Variants in ZNF362 observed in about 807,000 individuals in gnomAD.
The protein encoded by ZNF362 is zinc finger protein 362.
A neutral mutation model predicts 42.9 loss-of-function variants in ZNF362; 11 were observed. That is an observed-to-expected ratio of 0.26 (90% CI 0.16 to 0.42). ZNF362 has a LOEUF of 0.42. ZNF362 is among the 20% of genes least tolerant of loss of function. The pLI is 1.00. For synonymous variants in ZNF362, 255 were observed against 257.3 expected (o/e 0.99, Z 0.09); for missense variants, 362 against 576.2 (o/e 0.63, Z 3.81).
At chr1:33,190,799 G>A in the ZNF362 span, among the ~76,000 whole-genome samples, 5 of 152,330 alleles carry the variant, frequency 3.3e-5, no homozygotes, top group Admixed American at 1.3e-4. Flanking sequence ...GCCTGCCAAT[G>A]AGGAGGGCAG....
chr1:33,257,266 G>A (rs941131948), intron 1 of ZNF362, among the ~76,000 whole-genome samples: 30 of 151,886 alleles, frequency 2.0e-4, no homozygotes, highest in Middle Eastern at 3.4e-3. Flanking sequence ...CTTTTCTTTG[G>A]CGAGAGCCGC....
the ZNF362 span, among the ~76,000 whole-genome samples, chr1:33,215,086 A>C: frequency 6.6e-6 from 1 of 152,226 alleles, no homozygotes; most frequent in Non-Finnish European, 1.5e-5. Context: ...AAGATTTGGA[A>C]TCAATCTAAG....
the ZNF362 span, among the ~76,000 whole-genome samples, chr1:33,188,492 C>A: frequency 6.6e-6 from 1 of 152,144 alleles, no homozygotes; most frequent in Non-Finnish European, 1.5e-5. Flanking sequence ...ACATTGTGGA[C>A]AGAGAAGGCA....
chr1:33,249,548 C>T, the ZNF362 span, among the ~76,000 whole-genome samples: 1 of 152,118 alleles, frequency 6.6e-6, no homozygotes, highest in Admixed American at 6.6e-5. Context: ...GAAGTTTTCC[C>T]CTTCCTGCCC....
the ZNF362 span, among the ~76,000 whole-genome samples, chr1:33,144,635 G>C: frequency 6.6e-6 from 1 of 152,220 alleles, no homozygotes; most frequent in Non-Finnish European, 1.5e-5. Flanking sequence ...TTCTTTAAAA[G>C]CTTGATATTT....
chr1:33,189,662 T>TAC, the ZNF362 span, among the ~76,000 whole-genome samples: 9 of 23,962 alleles, frequency 3.8e-4, no homozygotes, highest in Non-Finnish European at 1.0e-3. Flanking sequence ...TATATATATA[T>TAC]ATATATATAT....
chr1:33,180,118 G>A, the ZNF362 span, among the ~76,000 whole-genome samples: 4 of 152,078 alleles, frequency 2.6e-5, no homozygotes, highest in East Asian at 1.9e-4. Context: ...AAGGGAGACC[G>A]ATTAGAGTTC....
At chr1:33,275,375 C>A in intron 2 of ZNF362, 1 of 985,516 alleles carries the variant, frequency 1.0e-6, no homozygotes, top group Non-Finnish European at 1.2e-6. Context: ...ACCAAAGAGC[C>A]GCAGACTGCC....
Position 33,280,380 on chromosome 1 carries a change from G to A in ZNF362, c.606G>A (p.Pro202=), listed in dbSNP as rs1191601387. The change falls in exon 5 of 9, where the codon CCG becomes CCA. Residue 202 remains proline (P), a synonymous_variant. Transcript: ENST00000539719. The surrounding 1 kb of genome is among the most constrained non-coding windows in gnomAD (Gnocchi z 5.6). ...GCAAAAAGATCAAGGCGGAGAACCCGGGGGGTCCGCCTGTCCTTGTAGTCC... is the reference window on the plus strand; with the variant it reads ...GCAAAAAGATCAAGGCGGAGAACCCAGGGGGTCCGCCTGTCCTTGTAGTCC... The part of the protein sequence containing the change: ...RGRKKIKAEN[P]GGPPVLVVPY... The A allele has an allele frequency of 3.7e-6, 6 of 1,613,588 alleles. No homozygotes were observed. The highest frequency in any genetic ancestry group is 1.7e-4 in the Middle Eastern group (1 of 6,060).
chr1:33,259,296 G>C (rs1411559693), intron 1 of ZNF362, among the ~76,000 whole-genome samples: 2 of 152,286 alleles, frequency 1.3e-5, no homozygotes, highest in East Asian at 1.9e-4. Flanking sequence ...TGGAATAACG[G>C]CCAGCGCTCC....
intron 2 of ZNF362, among the ~76,000 whole-genome samples, chr1:33,274,212 T>C (rs960215902): frequency 6.6e-6 from 1 of 152,224 alleles, no homozygotes; most frequent in East Asian, 1.9e-4. Flanking sequence ...ACTGATGAGC[T>C]GGACTTCAGA....
At chr1:33,189,689 ATATATATACACATATATACG>A in the ZNF362 span, among the ~76,000 whole-genome samples, 4 of 47,766 alleles carry the variant, frequency 8.4e-5, no homozygotes, top group Admixed American at 2.6e-4. Context: ...ATATACGTAT[ATATATATACACATATATACG>A]TATATATATA....
the ZNF362 span, among the ~76,000 whole-genome samples, chr1:33,151,135 A>G: frequency 6.6e-6 from 1 of 152,006 alleles, no homozygotes; most frequent in Admixed American, 6.5e-5. Flanking sequence ...GAGGGAGACA[A>G]GGGGGCTCTC....
At position 33,280,569 on chromosome 1, in the gene ZNF362, CAGGGCTAGGGTCCA is replaced by C. The variant is rs1272047824; in HGVS notation, c.683+113_683+126del. ...AAACAGGACCCTTAGGGCTGAGGGG[CAGGGCTAGGGTCCA>C]GAGGGGCGGGGCCTTCTGGAGAGCC... On this transcript the variant is annotated intron_variant, in intron 5 of 8. Coordinates refer to ENST00000539719, the MANE Select transcript of ZNF362 (RefSeq NM_152493.3). This position sits in a 1 kb window ranked among gnomAD's most constrained non-coding sequence, Gnocchi z 5.6. 1 of 1,446,678 alleles carries C rather than the reference CAGGGCTAGGGTCCA, an allele frequency of 6.9e-7. No homozygotes were observed. The highest frequency in any genetic ancestry group is 1.5e-5 in the South Asian group (1 of 67,912). The allele number at this position is 1,446,678 out of a possible 1,614,324, so 89.6% of individuals were successfully genotyped here. A position where few individuals can be genotyped will look rare whatever the true frequency, so the allele number is the denominator to read the frequency against.
the ZNF362 span, among the ~76,000 whole-genome samples, chr1:33,133,564 G>A: frequency 6.6e-6 from 1 of 152,034 alleles, no homozygotes; most frequent in Non-Finnish European, 1.5e-5. Flanking sequence ...GAGGAGAGCA[G>A]GGCCGGGATG....
At chr1:33,186,138 G>A in the ZNF362 span, among the ~76,000 whole-genome samples, 104,375 of 151,922 alleles carry the variant, frequency 0.69, 36,314 homozygotes, top group Non-Finnish European at 0.74. Flanking sequence ...ATACTTATGT[G>A]CAGTGGTGAA....
the ZNF362 span, among the ~76,000 whole-genome samples, chr1:33,236,550 A>AAAAAATATATATATATATATAT: frequency 3.3e-4 from 2 of 5,978 alleles, no homozygotes; most frequent in African/African-American, 3.9e-4. Context: ...AAAAAAAAAA[A>AAAAAATATATATATATATATAT]ATATATATAT....
the ZNF362 span, chr1:33,180,972 G>GCCCCCCCCCCC: frequency 7.7e-7 from 1 of 1,306,626 alleles, no homozygotes; most frequent in Non-Finnish European, 1.0e-6. Flanking sequence ...CCCCCGCCCG[G>GCCCCCCCCCCC]CCCCACCTCC....
the ZNF362 span, among the ~76,000 whole-genome samples, chr1:33,136,815 G>A: frequency 1.3e-5 from 2 of 151,602 alleles, no homozygotes; most frequent in Non-Finnish European, 2.9e-5. Flanking sequence ...TGGCCAATAT[G>A]GTGAAACCCT....
Sources: allele counts gnomAD v4.1 joint callset (sites outside exome capture counted in the v4.1 genomes callset), GRCh38; gene constraint gnomAD v4.1.1; non-coding constraint Gnocchi (gnomAD v3.1); transcripts MANE v1.5; gene names NCBI Gene and HGNC (gene_info 2026-07-23, HGNC 2026-07-21).